Variants in SCLT1 observed in about 807,000 individuals in gnomAD.
SCLT1 encodes the protein sodium channel and clathrin linker 1.
In SCLT1, 78 loss-of-function variants were observed where a neutral mutation model predicts 112.8. The observed-to-expected ratio is 0.69, with a 90% CI of 0.58 to 0.83. The LOEUF is 0.83. Ranked by LOEUF, SCLT1 falls within the 40% of genes least tolerant of loss-of-function variation. The pLI, the probability that SCLT1 is intolerant of heterozygous loss-of-function variation, is 0.00. For missense variants in SCLT1, 747 were observed against 770.4 expected (o/e 0.97, Z 0.36); for synonymous variants, 257 against 254.7 (o/e 1.01, Z -0.09).
At chr4:128,901,361 G>A in intron 18 of SCLT1, among the ~76,000 whole-genome samples, 1 of 152,186 alleles carries the variant, frequency 6.6e-6, no homozygotes, top group Admixed American at 6.5e-5. Context: ...ATGAGTTCAT[G>A]TCCTTTGTAG....
rs760473402 is a variant in SCLT1 at position 128,959,690 on chromosome 4, G to T, written c.957C>A (p.Cys319Ter). The T allele has an allele frequency of 6.2e-7, 1 of 1,612,926 alleles. No individual in the cohort carries two copies. The highest frequency in any genetic ancestry group is 8.5e-7 in the Non-Finnish European group (1 of 1,179,294). Residue 319 changes from cysteine (C) to a stop codon, truncating the protein, a stop_gained, in exon 12 of 21, where the codon TGC (cysteine) becomes TGA (stop). Coordinates refer to ENST00000281142, the MANE Select transcript of SCLT1 (RefSeq NM_144643.4). LOFTEE classifies it high-confidence loss of function. The stretch of plus-strand genomic sequence containing the variant: ...CATATCTCTCATTTTCTAATTCATT[G>T]CACTTTGCTTGTAGCTCTCTGGTCT... ...EKQTRELQAK[C>*]NELENERYEA...
chr4:129,006,909 A>G (rs896975423), intron 5 of SCLT1, among the ~76,000 whole-genome samples: 9 of 152,330 alleles, frequency 5.9e-5, no homozygotes, highest in African/African-American at 1.9e-4. Context: ...CTTTCCCTCT[A>G]AGAATCGCCT....
At chr4:128,990,345 G>A (rs748210047) in intron 9 of SCLT1, among the ~76,000 whole-genome samples, 13 of 151,784 alleles carry the variant, frequency 8.6e-5, no homozygotes, top group Non-Finnish European at 1.0e-4. Context: ...AAAACCATAT[G>A]ATAATTTCAA....
chr4:129,063,205 C>T (rs1030176558), intron 2 of SCLT1, among the ~76,000 whole-genome samples: 1 of 152,168 alleles, frequency 6.6e-6, no homozygotes, highest in South Asian at 2.1e-4. Context: ...AACTGTATTA[C>T]GTTGCTATCT....
intron 9 of SCLT1, among the ~76,000 whole-genome samples, chr4:128,974,506 G>T (rs887988247): frequency 1.3e-5 from 2 of 152,038 alleles, no homozygotes; most frequent in African/African-American, 4.8e-5. Flanking sequence ...TGGAGACAAA[G>T]CATGTCTGTA....
chr4:128,891,157 A>G lies in SCLT1; in HGVS notation c.1830-20T>C. On this transcript the variant is annotated intron_variant, in intron 18 of 20. Coordinates refer to ENST00000281142, the MANE Select transcript of SCLT1 (RefSeq NM_144643.4). ...TCACTCCTATTAAGAGCACCAAAAA[A>G]TCCATTAATATAATTGTTCCAAATA... 1 of 1,544,820 alleles carries G rather than the reference A, an allele frequency of 6.5e-7. No individual in the cohort carries two copies.
intron 3 of SCLT1, among the ~76,000 whole-genome samples, chr4:128,876,828 C>CTGTT (rs1317189288): frequency 1.3e-5 from 2 of 152,186 alleles, no homozygotes; most frequent in African/African-American, 4.8e-5. Context: ...TTTCTATATC[C>CTGTT]TGTTTTAGAG....
chr4:129,053,488 CTTCT>C (rs1403319029), intron 2 of SCLT1, among the ~76,000 whole-genome samples: 1 of 141,910 alleles, frequency 7.0e-6, no homozygotes, highest in African/African-American at 2.6e-5. Context: ...ATGTAATGCC[CTTCT>C]TTATCTCTTT....
At chr4:129,013,494 G>A (rs1171751385) in intron 5 of SCLT1, among the ~76,000 whole-genome samples, 2 of 152,154 alleles carry the variant, frequency 1.3e-5, no homozygotes, top group African/African-American at 4.8e-5. Context: ...GCTCTTGTAA[G>A]GCAGGTCTGG....
At chr4:129,061,178 T>C (rs1470642306) in intron 2 of SCLT1, among the ~76,000 whole-genome samples, 1 of 152,162 alleles carries the variant, frequency 6.6e-6, no homozygotes, top group Non-Finnish European at 1.5e-5. Context: ...CTATAGACCC[T>C]AGGATGGTAA....
intron 9 of SCLT1, among the ~76,000 whole-genome samples, chr4:128,972,901 A>G (rs185997652): frequency 2.0e-5 from 3 of 152,122 alleles, no homozygotes; most frequent in Admixed American, 1.3e-4. Context: ...TAAAGTCTAC[A>G]CTCCTCTACA....
chr4:129,070,810 G>T (rs1750939789), intron 2 of SCLT1, among the ~76,000 whole-genome samples: 1 of 151,950 alleles, frequency 6.6e-6, no homozygotes, highest in African/African-American at 2.4e-5. Flanking sequence ...CCTTTGTTCT[G>T]CTGGGTTTGG....
At position 128,898,475 on chromosome 4, in the gene SCLT1, C is replaced by T. The variant is rs1471273039; in HGVS notation, c.1830-7338G>A. Among the ~76,000 whole-genome samples, 10 of 152,056 alleles carry T rather than the reference C, an allele frequency of 6.6e-5. No homozygotes were observed. In the East Asian group the frequency reaches 7.7e-4, roughly 12 times the overall value. ...AAATAAAGATGTTCTTTGAAACCAA[C>T]GAGAACAAAGACACAACATACCAGA... is the stretch of plus-strand genomic sequence containing the variant. On this transcript the variant is annotated intron_variant, in intron 18 of 20. Transcript: ENST00000281142.
chr4:128,880,778 T>TCAC (rs1182779409), downstream of SCLT1, among the ~76,000 whole-genome samples: 1 of 152,204 alleles, frequency 6.6e-6, no homozygotes. Flanking sequence ...TTTCAATGAA[T>TCAC]CACTAACTAC....
At chr4:128,891,209 A>G (rs922672185) in intron 18 of SCLT1, 72 bp from the exon 19 acceptor site, 3 of 1,156,090 alleles carry the variant, frequency 2.6e-6, no homozygotes, top group Non-Finnish European at 3.9e-6. Context: ...TTAGCAAGAT[A>G]CATGTTCATG....
chr4:128,997,617 C>T (rs1232261786), intron 8 of SCLT1, among the ~76,000 whole-genome samples: 1 of 151,790 alleles, frequency 6.6e-6, no homozygotes, highest in African/African-American at 2.4e-5. Flanking sequence ...TTGAGGAACT[C>T]ACTGTCTAGA....
At chr4:128,883,783 T>C (rs906143388), downstream of SCLT1, among the ~76,000 whole-genome samples, 4 of 152,272 alleles carry the variant, frequency 2.6e-5, no homozygotes, top group African/African-American at 9.6e-5. Flanking sequence ...AACCAGAGAA[T>C]AGGAACATGT....
intron 2 of SCLT1, among the ~76,000 whole-genome samples, chr4:129,056,341 T>C (rs1236275156): frequency 9.9e-5 from 15 of 152,144 alleles, no homozygotes; most frequent in Admixed American, 9.8e-4. Flanking sequence ...AAATTTTGAT[T>C]CTTTATTGCA....
chr4:129,091,526 T>C (rs1179669207), intron 1 of SCLT1, among the ~76,000 whole-genome samples: 1 of 152,004 alleles, frequency 6.6e-6, no homozygotes, highest in Non-Finnish European at 1.5e-5. Context: ...CTAGCCAAAC[T>C]CCTCATCAAC....
Sources: gnomAD v4.1 joint callset for allele counts (sites outside exome capture counted in the v4.1 genomes callset) on GRCh38, gnomAD v4.1.1 for gene constraint, MANE v1.5 for transcripts, NCBI Gene and HGNC (gene_info 2026-07-23, HGNC 2026-07-21) for gene names.